Variants in METTL15 observed in about 807,000 individuals in gnomAD.
METTL15 encodes 12S rRNA N(4)-cytidine methyltransferase METTL15.
A neutral mutation model predicts 38.3 loss-of-function variants in METTL15; 34 were observed. That is an observed-to-expected ratio of 0.89 (90% CI 0.68 to 1.18). The LOEUF (loss-of-function observed/expected upper bound fraction) is 1.18, where lower values mean the gene tolerates loss of function less well. METTL15 is among the 50% of genes most tolerant of loss of function. The pLI is 0.00. For missense variants in METTL15, 438 were observed against 498.4 expected (o/e 0.88, Z 1.15); for synonymous variants, 162 against 170.9 (o/e 0.95, Z 0.41).
At chr11:28,205,420 T>C (rs1852290221) in intron 3 of METTL15, among the ~76,000 whole-genome samples, 1 of 152,140 alleles carries the variant, frequency 6.6e-6, no homozygotes, top group South Asian at 2.1e-4. Flanking sequence ...TCCATGTCCC[T>C]ACAAAGGACA....
chr11:28,370,189 ATTAATCAACCACAC>A (rs1463494371), intron 5 of METTL15, among the ~76,000 whole-genome samples: 1 of 152,012 alleles, frequency 6.6e-6, no homozygotes, highest in Non-Finnish European at 1.5e-5. Context: ...GTTTCTACCC[ATTAATCAACCACAC>A]TTCATCCCCC....
chr11:28,168,009 C>T (rs891793466), intron 3 of METTL15, among the ~76,000 whole-genome samples: 2 of 151,888 alleles, frequency 1.3e-5, no homozygotes, highest in Non-Finnish European at 2.9e-5. Flanking sequence ...ATTAGAAGAT[C>T]GAAATGAAGA....
intron 4 of METTL15, among the ~76,000 whole-genome samples, chr11:28,267,265 G>A (rs987116756): frequency 5.3e-5 from 8 of 150,960 alleles, no homozygotes; most frequent in Admixed American, 2.0e-4. Context: ...CACTTTGGTC[G>A]CTCTGGCTTC....
At chr11:28,179,658 T>A (rs1414429006) in intron 3 of METTL15, among the ~76,000 whole-genome samples, 17 of 151,842 alleles carry the variant, frequency 1.1e-4, no homozygotes, top group Admixed American at 1.1e-3. Context: ...AATTTATTTG[T>A]CCATTCTCCT....
intron 6 of METTL15, among the ~76,000 whole-genome samples, chr11:28,458,961 T>C (rs1347033996): frequency 1.3e-5 from 2 of 152,218 alleles, no homozygotes; most frequent in Non-Finnish European, 2.9e-5. Context: ...TTAATCAACC[T>C]GACATGTTCA....
intron 4 of METTL15, among the ~76,000 whole-genome samples, chr11:28,270,656 A>G (rs1454731383): frequency 6.6e-6 from 1 of 152,178 alleles, no homozygotes; most frequent in Non-Finnish European, 1.5e-5. Flanking sequence ...AACTACCTCA[A>G]CGATTTTTGT....
At chr11:28,353,584 G>T (rs907090288) in intron 4 of METTL15, among the ~76,000 whole-genome samples, 9 of 152,150 alleles carry the variant, frequency 5.9e-5, no homozygotes, top group African/African-American at 2.2e-4. Context: ...TAAAAATTGG[G>T]GGCTTAACTG....
At chr11:28,208,181 A>T (rs529579663) in intron 3 of METTL15, among the ~76,000 whole-genome samples, 1 of 151,978 alleles carries the variant, frequency 6.6e-6, no homozygotes, top group Non-Finnish European at 1.5e-5. Context: ...TTGCTTTTCT[A>T]GTTCTTTTAA....
chr11:28,208,779 C>G (rs1852487790), intron 3 of METTL15, among the ~76,000 whole-genome samples: 1 of 151,836 alleles, frequency 6.6e-6, no homozygotes, highest in Non-Finnish European at 1.5e-5. Flanking sequence ...AAACTGTGGT[C>G]TTATGTTAGT....
At chr11:28,452,776 T>C (rs563345684) in intron 6 of METTL15, among the ~76,000 whole-genome samples, 1 of 152,302 alleles carries the variant, frequency 6.6e-6, no homozygotes, top group South Asian at 2.1e-4. Context: ...TGCTTTATTG[T>C]TGAGCACTTT....
chr11:28,378,114 T>G (rs1015533603), intron 5 of METTL15, among the ~76,000 whole-genome samples: 1 of 152,078 alleles, frequency 6.6e-6, no homozygotes, highest in African/African-American at 2.4e-5. Flanking sequence ...TTTTTGTTTG[T>G]CTGTGCCCTG....
At chr11:28,401,059 A>G (rs999821917) in intron 5 of METTL15, among the ~76,000 whole-genome samples, 1 of 152,006 alleles carries the variant, frequency 6.6e-6, no homozygotes, top group African/African-American at 2.4e-5. Context: ...AGAGCAAAAG[A>G]TAGAGTTGTA....
chr11:28,411,397 A>G (rs1297217524), intron 5 of METTL15, among the ~76,000 whole-genome samples: 1 of 152,066 alleles, frequency 6.6e-6, no homozygotes, highest in African/African-American at 2.4e-5. Flanking sequence ...ATATAGACCA[A>G]GGGAACACAG....
chr11:28,352,017 G>C (rs1564903732), intron 3 of METTL15: 1 of 152,200 alleles, frequency 6.6e-6, no homozygotes, highest in Non-Finnish European at 1.5e-5. Flanking sequence ...AGTGTATATA[G>C]TATAGGTATT....
chr11:28,136,617 T>A (rs573365892), intron 3 of METTL15, among the ~76,000 whole-genome samples: 2 of 152,308 alleles, frequency 1.3e-5, no homozygotes, highest in East Asian at 3.9e-4. Context: ...TATATGATTT[T>A]AAAACACATA....
chr11:28,309,202 A>G (rs1403221822), intron 6 of METTL15, among the ~76,000 whole-genome samples: 1 of 152,222 alleles, frequency 6.6e-6, no homozygotes, highest in Admixed American at 6.5e-5. Context: ...TTGTCCTTAC[A>G]GTAATATCTG....
intron 5 of METTL15, among the ~76,000 whole-genome samples, chr11:28,362,765 A>C (rs541882107): frequency 2.6e-5 from 4 of 152,226 alleles, no homozygotes; most frequent in African/African-American, 9.6e-5. Flanking sequence ...TATCTAATCC[A>C]CTGTTGATGG....
chr11:28,511,762 A>C (rs542974468), intron 6 of METTL15, among the ~76,000 whole-genome samples: 16 of 152,244 alleles, frequency 1.1e-4, no homozygotes, highest in African/African-American at 3.9e-4. Context: ...AAAGAGTGAG[A>C]AGCAGCAGGA....
At chr11:28,298,943 G>A (rs1213160831) in intron 6 of METTL15, among the ~76,000 whole-genome samples, 2 of 152,032 alleles carry the variant, frequency 1.3e-5, no homozygotes, top group Non-Finnish European at 2.9e-5. Flanking sequence ...AGGTAAAATA[G>A]GAGCTAATCA....
Sources: gnomAD v4.1 joint callset for allele counts (sites outside exome capture counted in the v4.1 genomes callset) on GRCh38, gnomAD v4.1.1 for gene constraint, MANE v1.5 for transcripts, NCBI Gene and HGNC (gene_info 2026-07-23, HGNC 2026-07-21) for gene names.